DOCK3: variants seen among roughly 807,000 people sequenced by gnomAD.
DOCK3 encodes the protein dedicator of cytokinesis protein 3.
A neutral mutation model predicts 265.6 loss-of-function variants in DOCK3; 60 were observed. The observed-to-expected ratio is 0.23, with a 90% CI of 0.18 to 0.28. The LOEUF is 0.28. DOCK3 is among the 10% of genes least tolerant of loss of function. The pLI, the probability that DOCK3 is intolerant of heterozygous loss-of-function variation, is 1.00. For missense variants in DOCK3, 1,981 were observed against 2,594.3 expected, an observed-to-expected ratio of 0.76 and a Z score of 5.14; for synonymous variants, 881 against 938.0, an observed-to-expected ratio of 0.94 and a Z score of 1.11.
intron 35 of DOCK3, among the ~76,000 whole-genome samples, chr3:51,335,185 T>G (rs961668372): frequency 6.6e-6 from 1 of 151,052 alleles, no homozygotes; most frequent in African/African-American, 2.4e-5. Flanking sequence ...AGTATACATA[T>G]GTAACAAACC....
intron 5 of DOCK3, among the ~76,000 whole-genome samples, chr3:51,003,748 T>C (rs919063677): frequency 2.0e-5 from 3 of 152,350 alleles, no homozygotes; most frequent in Non-Finnish European, 4.4e-5. Flanking sequence ...AATTTTCACT[T>C]GGACATGTTC....
chr3:50,914,740 T>C (rs1024489262), intron 4 of DOCK3, among the ~76,000 whole-genome samples: 1 of 152,152 alleles, frequency 6.6e-6, no homozygotes, highest in African/African-American at 2.4e-5. Flanking sequence ...CCAATGTTTC[T>C]TTGTTGATTT....
chr3:51,136,607 C>T (rs2084816553), intron 9 of DOCK3, among the ~76,000 whole-genome samples: 1 of 152,134 alleles, frequency 6.6e-6, no homozygotes, highest in Non-Finnish European at 1.5e-5. Context: ...ATGTGTGTCT[C>T]TGTTCCACCA....
At chr3:50,953,540 A>G (rs2076648682) in intron 5 of DOCK3, among the ~76,000 whole-genome samples, 1 of 152,188 alleles carries the variant, frequency 6.6e-6, no homozygotes, top group African/African-American at 2.4e-5. Flanking sequence ...AAAATTCAGT[A>G]CATTGAATAT....
intron 1 of DOCK3, among the ~76,000 whole-genome samples, chr3:50,731,781 A>C (rs189566947): frequency 1.3e-4 from 20 of 152,242 alleles, no homozygotes; most frequent in Admixed American, 1.3e-3. Flanking sequence ...AAAACCTAGA[A>C]TGTTTCTCTC....
chr3:50,785,714 A>G (rs1018801121), intron 2 of DOCK3, among the ~76,000 whole-genome samples: 1 of 152,114 alleles, frequency 6.6e-6, no homozygotes, highest in Non-Finnish European at 1.5e-5. Flanking sequence ...TCAGTTACGT[A>G]GTGTTTTGTT....
chr3:51,377,391 C>T (rs575550462), intron 51 of DOCK3, among the ~76,000 whole-genome samples: 1 of 152,376 alleles, frequency 6.6e-6, no homozygotes, highest in Admixed American at 6.5e-5. Context: ...ATTCTCTTGT[C>T]TGTCAGGGTT....
At chr3:51,038,660 A>G (rs955742183) in intron 5 of DOCK3, among the ~76,000 whole-genome samples, 3 of 152,184 alleles carry the variant, frequency 2.0e-5, no homozygotes, top group East Asian at 1.9e-4. Flanking sequence ...ATAACTTGGC[A>G]TATTGTTTTG....
chr3:50,970,132 T>C (rs1176597103), intron 5 of DOCK3, among the ~76,000 whole-genome samples: 2 of 152,198 alleles, frequency 1.3e-5, no homozygotes, highest in Admixed American at 6.5e-5. Flanking sequence ...CAGTCTCTTC[T>C]GGCTTATAAA....
intron 3 of DOCK3, among the ~76,000 whole-genome samples, chr3:50,853,778 G>A (rs1281975948): frequency 1.3e-5 from 2 of 152,056 alleles, no homozygotes; most frequent in Non-Finnish European, 2.9e-5. Flanking sequence ...AGACATATGT[G>A]TGCAGGTATC....
At chr3:50,722,462 C>G (rs921506458) in intron 1 of DOCK3, among the ~76,000 whole-genome samples, 1 of 152,100 alleles carries the variant, frequency 6.6e-6, no homozygotes, top group African/African-American at 2.4e-5. Context: ...TGAAATAAAT[C>G]AAAATTTAAG....
chr3:51,112,011 A>G (rs762947194), intron 9 of DOCK3, among the ~76,000 whole-genome samples: 2 of 152,250 alleles, frequency 1.3e-5, no homozygotes, highest in Non-Finnish European at 2.9e-5. Context: ...ATACCATCTC[A>G]CACCAGTCAG....
At chr3:51,104,921 G>A (rs779551350) in intron 9 of DOCK3, among the ~76,000 whole-genome samples, 1 of 152,042 alleles carries the variant, frequency 6.6e-6, no homozygotes, top group South Asian at 2.1e-4. Flanking sequence ...CCTGAGTAGC[G>A]GGACTACGGG....
intron 12 of DOCK3, among the ~76,000 whole-genome samples, chr3:51,171,192 G>C (rs965919375): frequency 6.6e-6 from 1 of 151,978 alleles, no homozygotes; most frequent in Admixed American, 6.6e-5. Flanking sequence ...ATGTTTCTCT[G>C]AGAACTGCTT....
chr3:50,733,530 G>T (rs2038354751), intron 1 of DOCK3, among the ~76,000 whole-genome samples: 1 of 152,160 alleles, frequency 6.6e-6, no homozygotes, highest in Admixed American at 6.5e-5. Context: ...TCTGATACAA[G>T]TATAGCTACT....
At chr3:51,205,005 G>A (rs1230112581) in intron 12 of DOCK3, among the ~76,000 whole-genome samples, 1 of 151,916 alleles carries the variant, frequency 6.6e-6, no homozygotes, top group Non-Finnish European at 1.5e-5. Flanking sequence ...ATCACACTCT[G>A]GGGACTGTTG....
intron 1 of DOCK3, among the ~76,000 whole-genome samples, chr3:50,683,512 G>A (rs141321799): frequency 1.3e-5 from 2 of 152,312 alleles, no homozygotes; most frequent in Non-Finnish European, 2.9e-5. Flanking sequence ...GCAGTGTTGT[G>A]ATTTGAATGC....
At chr3:51,113,500 C>A (rs539346081) in intron 9 of DOCK3, among the ~76,000 whole-genome samples, 168 of 152,248 alleles carry the variant, frequency 1.1e-3, no homozygotes, top group Admixed American at 4.4e-3. Context: ...TGAAGCTTCT[C>A]GAACATTAAT....
At chr3:51,335,245 AAAAAG>A (rs1435732611) in intron 35 of DOCK3, among the ~76,000 whole-genome samples, 2 of 152,094 alleles carry the variant, frequency 1.3e-5, no homozygotes, top group South Asian at 2.1e-4. Context: ...TTTAAAAAAA[AAAAAG>A]AAAAAGCCAA....
Sources: allele counts gnomAD v4.1 joint callset (sites outside exome capture counted in the v4.1 genomes callset), GRCh38; gene constraint gnomAD v4.1.1; transcripts MANE v1.5; gene names NCBI Gene and HGNC (gene_info 2026-07-23, HGNC 2026-07-21).